The following FBXO30 variants were observed in gnomAD, a reference collection of about 807,000 sequenced individuals.
FBXO30 encodes the protein F-box protein 30.
Under a neutral mutation model 58.1 loss-of-function variants are expected in FBXO30, and 21 were observed. The ratio of observed to expected loss-of-function variants is 0.36; its 90% CI spans 0.26 to 0.52. FBXO30 has a LOEUF of 0.52. FBXO30 is among the 20% of genes least tolerant of loss of function. The probability of loss-of-function intolerance (pLI) is 0.93; values close to 1 mark genes in which losing one functional copy is unlikely to be tolerated. For missense variants in FBXO30, 744 were observed against 897.3 expected, an observed-to-expected ratio of 0.83 and a Z score of 2.18; for synonymous variants, 309 against 312.4, an observed-to-expected ratio of 0.99 and a Z score of 0.11.
intron 1 of FBXO30, among the ~76,000 whole-genome samples, chr6:145,813,853 G>A (rs1778416910): frequency 6.6e-6 from 1 of 152,170 alleles, no homozygotes; most frequent in Admixed American, 6.5e-5. Flanking sequence ...GAGAAAGGGA[G>A]AGGGAAATGG....
chr6:145,802,479 GA>G (rs934642164), intron 2 of FBXO30, among the ~76,000 whole-genome samples: 6 of 151,994 alleles, frequency 3.9e-5, no homozygotes, highest in African/African-American at 1.4e-4. Context: ...CTTAACGCAA[GA>G]AAAAACATCA....
chr6:145,806,257 C>G lies in FBXO30; in HGVS notation c.149G>C (p.Arg50Pro), dbSNP rs781145248. The change falls in exon 2 of 3, where the codon CGA (arginine) becomes CCA (proline). Residue 50 changes from arginine to proline, a missense_variant. Coordinates refer to ENST00000237281, the MANE Select transcript of FBXO30 (RefSeq NM_032145.5). ...CACTCGTTCAAATGGACATAAAAGTCGATGCTCATCAGCTTTACAAGAATG... is the reference window on the plus strand; with the variant it reads ...CACTCGTTCAAATGGACATAAAAGTGGATGCTCATCAGCTTTACAAGAATG... ...VFHSCKADEH[R>P]LLCPFERVPC... The G allele has an allele frequency of 6.2e-7, 1 of 1,613,898 alleles. No individual in the cohort carries two copies. Among genetic ancestry groups the G allele is most frequent in the African/African-American group, 1.3e-5 (1 of 74,894 alleles).
chr6:145,808,570 T>C (rs1778247622), intron 1 of FBXO30, among the ~76,000 whole-genome samples: 1 of 152,190 alleles, frequency 6.6e-6, no homozygotes, highest in Non-Finnish European at 1.5e-5. Flanking sequence ...CTGGGTGCTC[T>C]CATTTTCTCC....
rs764906698 is a variant in FBXO30, at chr6:145,804,787, T to C, written c.1619A>G (p.His540Arg). The C allele has an allele frequency of 6.2e-7, 1 of 1,613,880 alleles. No individual in the cohort carries two copies. The highest frequency in any genetic ancestry group is 1.3e-5 in the African/African-American group (1 of 74,926). Reference protein sequence around the residue: ...KEFSSHFKNVHGDIHAGLNGW... With the variant: ...KEFSSHFKNVRGDIHAGLNGW... ...ATTGAGTCCAGCATGAATGTCACCATGCACATTCTTAAAGTGGGAAGAAAA... is the reference window on the plus strand; with the variant it reads ...ATTGAGTCCAGCATGAATGTCACCACGCACATTCTTAAAGTGGGAAGAAAA... Residue 540 changes from histidine (H) to arginine (R), a missense_variant, in exon 2 of 3, where the codon CAT (histidine) becomes CGT (arginine). Coordinates refer to ENST00000237281, the MANE Select transcript of FBXO30 (RefSeq NM_032145.5).
intron 1 of FBXO30, 28 bp from the exon 2 acceptor site, chr6:145,806,449 A>G: frequency 3.9e-6 from 6 of 1,548,418 alleles, no homozygotes; most frequent in Non-Finnish European, 5.3e-6. Context: ...AAAAGATAAG[A>G]AATTAGCCAA....
chr6:145,811,371 T>A (rs1778329637), intron 1 of FBXO30, among the ~76,000 whole-genome samples: 1 of 152,170 alleles, frequency 6.6e-6, no homozygotes, highest in African/African-American at 2.4e-5. Context: ...GTTAAGCACA[T>A]AAGTAATATG....
chr6:145,808,024 T>C (rs1402307543), intron 1 of FBXO30, among the ~76,000 whole-genome samples: 2 of 151,998 alleles, frequency 1.3e-5, no homozygotes, highest in Non-Finnish European at 2.9e-5. Context: ...CCCAACTACT[T>C]GGGAGGCCAA....
chr6:145,800,100 C>G lies in FBXO30; in HGVS notation c.*6G>C. The stretch of plus-strand genomic sequence containing the variant: ...TTGCATATATGTGCTAGTAATATTA[C>G]AACTTTTAAAGTACAGGTTTTAAAA... On this transcript the variant is annotated 3_prime_UTR_variant, in exon 3 of 3. Coordinates refer to ENST00000237281, the MANE Select transcript of FBXO30 (RefSeq NM_032145.5). 6.2e-7 allele frequency: 1 copy of G among 1,608,150 alleles called. No homozygotes were observed. The highest frequency in any genetic ancestry group is 8.5e-7 in the Non-Finnish European group (1 of 1,175,418).
In FBXO30 at chr6:145,795,738, A is replaced by G. The variant is rs1777856630; in HGVS notation, c.*4368T>C. On this transcript the variant is annotated 3_prime_UTR_variant, in exon 3 of 3. Coordinates refer to ENST00000237281, the MANE Select transcript of FBXO30 (RefSeq NM_032145.5). Reference sequence around the variant, plus strand: ...CAAAATGCCAGTTTTGAAATGTGCTAAGGTAACAAAGCACCTCAAGATGTA... The same window carrying G: ...CAAAATGCCAGTTTTGAAATGTGCTGAGGTAACAAAGCACCTCAAGATGTA... 6.6e-6 allele frequency: 1 copy of G among 151,902 alleles called. No homozygotes were observed. Among genetic ancestry groups the G allele is most frequent in the Admixed American group, 6.6e-5 (1 of 15,234 alleles). 9.4% of individuals were successfully genotyped at this position (151,902 alleles called of 1,614,324 possible).
chr6:145,812,609 C>T (rs1366495498), intron 1 of FBXO30, among the ~76,000 whole-genome samples: 1 of 152,104 alleles, frequency 6.6e-6, no homozygotes, highest in Non-Finnish European at 1.5e-5. Context: ...TTCTCAGAAA[C>T]CAGATGTACT....
intron 1 of FBXO30, among the ~76,000 whole-genome samples, chr6:145,808,407 T>C (rs2128667370): frequency 6.6e-6 from 1 of 152,276 alleles, no homozygotes. Flanking sequence ...ACTAATCCCT[T>C]ATTTTAGGAC....
rs1031860100 is a variant in FBXO30, at chr6:145,795,783, AG to A, written c.*4322del. On this transcript the variant is annotated 3_prime_UTR_variant, in exon 3 of 3. Transcript: ENST00000237281. ...GATGTATCGCCATTAATACATCTCA[AG>A]GTGTACTGGCCAATTATGAAGATTA... 3 of 151,922 alleles carry A rather than the reference AG, an allele frequency of 2.0e-5. No homozygotes were observed. The highest frequency in any genetic ancestry group is 7.2e-5 in the African/African-American group (3 of 41,438). 9.4% of individuals were successfully genotyped at this position (151,922 alleles called of 1,614,324 possible). A position where few individuals can be genotyped will look rare whatever the true frequency, so the allele number is the denominator to read the frequency against.
chr6:145,810,065 T>C (rs956209238), intron 1 of FBXO30, among the ~76,000 whole-genome samples: 3 of 152,236 alleles, frequency 2.0e-5, no homozygotes, highest in African/African-American at 7.2e-5. Flanking sequence ...CCAATTATAA[T>C]AGCATTTTAC....
Position 145,795,113 on chromosome 6 carries a change from A to C in FBXO30, c.*4993T>G, listed in dbSNP as rs1364340588. On this transcript the variant is annotated 3_prime_UTR_variant, in exon 3 of 3. Coordinates refer to ENST00000237281, the MANE Select transcript of FBXO30 (RefSeq NM_032145.5). ...TTACTTTTTGACTGGAAGGGGTATT[A>C]AAAAGCTGTCTAACTCTAGTCAGTC... 1 of 151,884 alleles carries C rather than the reference A, an allele frequency of 6.6e-6. No individual in the cohort carries two copies. The highest frequency in any genetic ancestry group is 2.4e-5 in the African/African-American group (1 of 41,416). 9.4% of individuals were successfully genotyped at this position (151,884 alleles called of 1,614,324 possible).
In FBXO30 at chr6:145,794,115, A is replaced by G. The variant is rs1165825260; in HGVS notation, c.*5991T>C. 6.6e-6 allele frequency: 1 copy of G among 152,002 alleles called. No individual in the cohort carries two copies. Among genetic ancestry groups the G allele is most frequent in the Non-Finnish European group, 1.5e-5 (1 of 67,876 alleles). 9.4% of individuals were successfully genotyped at this position (152,002 alleles called of 1,614,324 possible). A position where few individuals can be genotyped will look rare whatever the true frequency, so the allele number is the denominator to read the frequency against. On this transcript the variant is annotated 3_prime_UTR_variant, in exon 3 of 3. Transcript: ENST00000237281. ...CCAAAAGAAAACCCCATACCCATGA[A>G]GCAGTCACTCCCATTCCCCCAGCAA...
intron 1 of FBXO30, among the ~76,000 whole-genome samples, chr6:145,806,685 G>A (rs1778181084): frequency 1.3e-5 from 2 of 151,962 alleles, no homozygotes; most frequent in South Asian, 4.2e-4. Flanking sequence ...ATGCCTAAAA[G>A]GGCAAAAGTT....
intron 2 of FBXO30, among the ~76,000 whole-genome samples, chr6:145,801,896 C>T (rs111517242): frequency 6.2e-4 from 95 of 152,200 alleles, no homozygotes; most frequent in African/African-American, 2.1e-3. Flanking sequence ...TTCCATACAA[C>T]TGAGAGTCTG....
At position 145,805,951 on chromosome 6, in the gene FBXO30, G is replaced by C. The variant is rs369449375; in HGVS notation, c.455C>G (p.Pro152Arg). 2.5e-6 allele frequency: 4 copies of C among 1,614,018 alleles called. No individual in the cohort carries two copies. The highest frequency in any genetic ancestry group is 3.3e-5 in the Admixed American group (2 of 59,960). ...TGATTTAACTGAGATTTGTTCTCTA[G>C]GTTTGGATACTTTATCAGTTGCTTT... The part of the protein sequence containing the change: ...MSKATDKVSK[P>R]REQISVKSSV... The change falls in exon 2 of 3, where the codon CCT (proline) becomes CGT (arginine). Residue 152 changes from proline (P) to arginine (R), a missense_variant. By Grantham distance (103) the Pro-to-Arg change is moderately radical. Coordinates refer to ENST00000237281, the MANE Select transcript of FBXO30 (RefSeq NM_032145.5).
In FBXO30 at chr6:145,797,364, A is replaced by G. The variant is rs1057371790; in HGVS notation, c.*2742T>C. The stretch of plus-strand genomic sequence containing the variant: ...ACCATTACTGACTTTTGGATTACAC[A>G]TATATTTATACAAACACACACAGGT... On this transcript the variant is annotated 3_prime_UTR_variant, in exon 3 of 3. Transcript: ENST00000237281. 2 of 152,026 alleles carry G rather than the reference A, an allele frequency of 1.3e-5. No homozygotes were observed. The highest frequency in any genetic ancestry group is 3.8e-4 in the East Asian group (2 of 5,196). The allele number at this position is 152,026 out of a possible 1,614,324, so 9.4% of individuals were successfully genotyped here.
Sources: gnomAD v4.1 joint callset for allele counts (sites outside exome capture counted in the v4.1 genomes callset) on GRCh38, gnomAD v4.1.1 for gene constraint, MANE v1.5 for transcripts, NCBI Gene and HGNC (gene_info 2026-07-23, HGNC 2026-07-21) for gene names.